MGAT4C: variants seen among roughly 807,000 people sequenced by gnomAD.
MGAT4C encodes the protein alpha-1,3-mannosyl-glycoprotein 4-beta-N-acetylglucosaminyltransferase C.
Under a neutral mutation model 40.1 loss-of-function variants are expected in MGAT4C, and 19 were observed. The ratio of observed to expected loss-of-function variants is 0.47; its 90% CI spans 0.33 to 0.70. The LOEUF (loss-of-function observed/expected upper bound fraction) is 0.70. MGAT4C is among the 30% of genes least tolerant of loss of function. The pLI is 0.02. For synonymous variants in MGAT4C, 181 were observed against 187.1 expected, an observed-to-expected ratio of 0.97 and a Z score of 0.27; for missense variants, 491 against 563.2, an observed-to-expected ratio of 0.87 and a Z score of 1.30.
intron 1 of MGAT4C, among the ~76,000 whole-genome samples, chr12:86,763,779 T>C (rs1224607452): frequency 6.6e-6 from 1 of 152,116 alleles, no homozygotes; most frequent in Non-Finnish European, 1.5e-5. Context: ...TAATAGTTGT[T>C]CTATAATTGG....
chr12:86,736,906 C>T (rs1950994374), intron 1 of MGAT4C, among the ~76,000 whole-genome samples: 2 of 151,230 alleles, frequency 1.3e-5, no homozygotes, highest in African/African-American at 4.8e-5. Flanking sequence ...TTATCCCTTT[C>T]CTTCTCGTGG....
chr12:86,657,251 T>G (rs1209495417), intron 2 of MGAT4C, among the ~76,000 whole-genome samples: 2 of 151,834 alleles, frequency 1.3e-5, no homozygotes, highest in African/African-American at 4.8e-5. Flanking sequence ...AAGCTTTGAG[T>G]GAAAACAATG....
At chr12:86,241,701 A>C (rs183774209) in intron 1 of MGAT4C, among the ~76,000 whole-genome samples, 1 of 152,300 alleles carries the variant, frequency 6.6e-6, no homozygotes, top group Non-Finnish European at 1.5e-5. Context: ...GGCTGGCCTC[A>C]GATACTAGAC....
At chr12:86,679,027 C>A (rs1949926486) in intron 2 of MGAT4C, among the ~76,000 whole-genome samples, 1 of 152,066 alleles carries the variant, frequency 6.6e-6, no homozygotes. Context: ...AATGGTTGAA[C>A]TAGTTTACAG....
intron 1 of MGAT4C, among the ~76,000 whole-genome samples, chr12:86,784,662 G>A (rs1165418433): frequency 6.6e-6 from 1 of 150,842 alleles, no homozygotes; most frequent in Non-Finnish European, 1.5e-5. Flanking sequence ...ATCTCAGTAG[G>A]TAAAAGAAAA....
intron 1 of MGAT4C, among the ~76,000 whole-genome samples, chr12:86,834,612 C>CCA (rs148269576): frequency 0.51 from 75,066 of 148,146 alleles, 19,131 homozygotes; most frequent in Admixed American, 0.6. Flanking sequence ...CCCCCAACCA[C>CCA]CACACACACA....
chr12:86,639,314 C>A (rs775916250), intron 2 of MGAT4C, among the ~76,000 whole-genome samples: 42 of 151,666 alleles, frequency 2.8e-4, no homozygotes, highest in Non-Finnish European at 3.8e-4. Flanking sequence ...AATACTAATT[C>A]TATTTCATCA....
At position 86,717,865 on chromosome 12, in the gene MGAT4C, A is replaced by G. The variant is rs148031932; in HGVS notation, c.-229+9344T>C. Among the ~76,000 whole-genome samples the G allele has an allele frequency of 3.8e-3, 577 of 152,206 alleles. 3 individuals carry two copies. The highest frequency in any genetic ancestry group is 0.014 in the African/African-American group (564 of 41,532). On this transcript the variant is annotated intron_variant, in intron 2 of 7. Transcript: ENST00000548651. ...CTTGTTTCAATACTGTTTCTACTTC[A>G]CAGTTTATTATTAGGAAATTTGATA... is the stretch of plus-strand genomic sequence containing the variant.
chr12:86,277,625 T>C (rs1953108593), intron 4 of MGAT4C, among the ~76,000 whole-genome samples: 1 of 152,210 alleles, frequency 6.6e-6, no homozygotes, highest in South Asian at 2.1e-4. Context: ...GATATCCAGT[T>C]TCCCCAACAC....
chr12:86,115,532 G>A (rs1016207762), intron 1 of MGAT4C, among the ~76,000 whole-genome samples: 7 of 151,982 alleles, frequency 4.6e-5, no homozygotes, highest in African/African-American at 1.7e-4. Flanking sequence ...TGATTATAGA[G>A]AACATTAACT....
chr12:86,670,168 C>G (rs1168908737), intron 2 of MGAT4C, among the ~76,000 whole-genome samples: 1 of 152,046 alleles, frequency 6.6e-6, no homozygotes, highest in Non-Finnish European at 1.5e-5. Flanking sequence ...GTAGTGACAT[C>G]ACCAAAGGAT....
chr12:86,138,520 AGATATATCATG>A lies in MGAT4C; in HGVS notation c.-56-88808_-56-88798del, dbSNP rs1882338600. ...ATATATATCATGTATATATTTCCAT[AGATATATCATG>A]TATATATTTCCATAGATATATCATG... On this transcript the variant is annotated intron_variant, in intron 1 of 4. Coordinates refer to ENST00000611864, the MANE Select transcript of MGAT4C (RefSeq NM_001351288.2). Among the ~76,000 whole-genome samples, 8 of 147,594 alleles carry A rather than the reference AGATATATCATG, an allele frequency of 5.4e-5. No homozygotes were observed. The South Asian group carries it at 1.7e-3, about 31-fold the overall frequency.
chr12:86,276,256 CAAGAT>C (rs1316439103), intron 4 of MGAT4C, among the ~76,000 whole-genome samples: 2 of 151,926 alleles, frequency 1.3e-5, no homozygotes, highest in African/African-American at 4.8e-5. Context: ...ATGTACTTTA[CAAGAT>C]GAGAAATCTA....
intron 3 of MGAT4C, among the ~76,000 whole-genome samples, chr12:86,422,569 T>A (rs1956848373): frequency 6.6e-6 from 1 of 152,188 alleles, no homozygotes; most frequent in South Asian, 2.1e-4. Context: ...AACATGCAAC[T>A]TCTGTGTCAA....
At chr12:86,587,694 T>C (rs1329849521) in intron 2 of MGAT4C, among the ~76,000 whole-genome samples, 2 of 152,002 alleles carry the variant, frequency 1.3e-5, no homozygotes, top group Non-Finnish European at 2.9e-5. Context: ...CTAGGTATTT[T>C]ATTCTCTTTG....
intron 4 of MGAT4C, among the ~76,000 whole-genome samples, chr12:86,266,903 T>G (rs2136102949): frequency 6.6e-6 from 1 of 152,216 alleles, no homozygotes; most frequent in East Asian, 1.9e-4. Context: ...TCTATTTCCT[T>G]TAGCCTTTTT....
At chr12:86,802,855 A>T (rs1952258967) in intron 1 of MGAT4C, among the ~76,000 whole-genome samples, 1 of 142,758 alleles carries the variant, frequency 7.0e-6, no homozygotes, top group African/African-American at 2.6e-5. Flanking sequence ...TAATTTACAG[A>T]TTCAATGCCA....
chr12:86,222,242 G>C (rs1950909898), intron 1 of MGAT4C, among the ~76,000 whole-genome samples: 1 of 152,122 alleles, frequency 6.6e-6, no homozygotes, highest in Non-Finnish European at 1.5e-5. Context: ...AATTGAAAGT[G>C]CATTTAAAAA....
rs551100737 is a variant in MGAT4C at position 86,138,773 on chromosome 12, G to C, written c.-56-89050C>G. Among the ~76,000 whole-genome samples, 33 of 151,588 alleles carry C rather than the reference G, an allele frequency of 2.2e-4. No individual in the cohort carries two copies. In the South Asian group the frequency reaches 6.9e-3, roughly 32 times the overall value. On this transcript the variant is annotated intron_variant, in intron 1 of 4. Coordinates refer to ENST00000611864, the MANE Select transcript of MGAT4C (RefSeq NM_001351288.2). ...ATGGAGGAAAATTAACAAGAGAACTGCTGGCTTAAGCGGGCATTCAGACTT... is the reference window on the plus strand; with the variant it reads ...ATGGAGGAAAATTAACAAGAGAACTCCTGGCTTAAGCGGGCATTCAGACTT...
Sources: gnomAD v4.1 joint callset for allele counts (sites outside exome capture counted in the v4.1 genomes callset) on GRCh38, gnomAD v4.1.1 for gene constraint, MANE v1.5 for transcripts, NCBI Gene and HGNC (gene_info 2026-07-23, HGNC 2026-07-21) for gene names.